Variants in STRA8 observed in about 807,000 individuals in gnomAD.
STRA8 encodes the protein stimulated by retinoic acid gene 8 protein homolog.
A neutral mutation model predicts 37.1 loss-of-function variants in STRA8; 18 were observed. The observed-to-expected ratio is 0.48, with a 90% CI of 0.34 to 0.72. The LOEUF is 0.72. STRA8 is among the 30% of genes least tolerant of loss of function. STRA8 has a pLI of 0.01. For synonymous variants in STRA8, 168 were observed against 162.9 expected, an observed-to-expected ratio of 1.03 and a Z score of -0.24; for missense variants, 357 against 410.4, an observed-to-expected ratio of 0.87 and a Z score of 1.13.
In STRA8 at chr7:135,258,529, G is replaced by A; in HGVS notation, c.*37G>A. On this transcript the variant is annotated 3_prime_UTR_variant, in exon 9 of 9. Coordinates refer to ENST00000662584, the MANE Select transcript of STRA8 (RefSeq NM_001394401.1). ...AGCTGCGAGGGGAGGGACTGAATGA[G>A]GTGGGCAGTTCCCAAGGTTGAATGC... The A allele has an allele frequency of 6.5e-7, 1 of 1,546,020 alleles. No homozygotes were observed.
chr7:135,258,355 T>C (rs1238922963), intron 8 of STRA8, 63 bp from the exon 9 acceptor site: 3 of 1,404,132 alleles, frequency 2.1e-6, no homozygotes, highest in African/African-American at 1.4e-5. Flanking sequence ...GGAGCCTTCC[T>C]ATCTGCCTCG....
At position 135,246,049 on chromosome 7, in the gene STRA8, G is replaced by C. The variant is rs902124445; in HGVS notation, c.594-368G>C. 3.6e-6 allele frequency: 1 copy of C among 279,730 alleles called. No homozygotes were observed. Among genetic ancestry groups the C allele is most frequent in the African/African-American group, 2.3e-5 (1 of 43,872 alleles). The allele number at this position is 279,730 out of a possible 1,614,324, so 17.3% of individuals were successfully genotyped here. On this transcript the variant is annotated intron_variant, in intron 5 of 8. Transcript: ENST00000662584. The surrounding 1 kb of genome is among the most constrained non-coding windows in gnomAD (Gnocchi z 5.4). The stretch of plus-strand genomic sequence containing the variant: ...AGCCGAGCCTGACTTTCGGGCTGCA[G>C]GTTAAAGTTGGAGTCCTATCATGCC...
intron 1 of STRA8, among the ~76,000 whole-genome samples, chr7:135,234,140 C>A (rs1832335179): frequency 6.6e-6 from 1 of 151,708 alleles, no homozygotes; most frequent in African/African-American, 2.4e-5. Context: ...GAGTTTCGCT[C>A]TTGTCACCCA....
chr7:135,249,499 G>T (rs150284876), intron 6 of STRA8, among the ~76,000 whole-genome samples: 1 of 152,128 alleles, frequency 6.6e-6, no homozygotes, highest in Non-Finnish European at 1.5e-5. Context: ...CAGGATAATC[G>T]CTTGAACCTG....
intron 1 of STRA8, among the ~76,000 whole-genome samples, chr7:135,236,034 T>G (rs1379760406): frequency 6.6e-6 from 1 of 151,798 alleles, no homozygotes; most frequent in East Asian, 1.9e-4. Context: ...CCTAGGAGTT[T>G]GAGGCTGCAA....
intron 6 of STRA8, among the ~76,000 whole-genome samples, chr7:135,251,319 G>A (rs986148106): frequency 6.6e-6 from 1 of 152,188 alleles, no homozygotes; most frequent in South Asian, 2.1e-4. Context: ...AGCTAGCAAG[G>A]GACACAGGCC....
chr7:135,250,757 G>A (rs763100738), intron 6 of STRA8, among the ~76,000 whole-genome samples: 1 of 152,174 alleles, frequency 6.6e-6, no homozygotes, highest in Non-Finnish European at 1.5e-5. Flanking sequence ...ATACAAAAAC[G>A]TCCCATGCAT....
At chr7:135,254,491 C>T (rs967472904) in intron 7 of STRA8, among the ~76,000 whole-genome samples, 3 of 152,196 alleles carry the variant, frequency 2.0e-5, no homozygotes, top group Admixed American at 6.5e-5. Flanking sequence ...TGCACGAGCC[C>T]CTGCCACCTT....
At position 135,246,297 on chromosome 7, in the gene STRA8, C is replaced by A; in HGVS notation, c.594-120C>A. ...GCGTGCAGAGTCTGAGAAGTCTCAG[C>A]CCTGGTGAGCCGTGGCGCCGTGGCC... On this transcript the variant is annotated intron_variant, in intron 5 of 8. Transcript: ENST00000662584. This position sits in a 1 kb window ranked among gnomAD's most constrained non-coding sequence, Gnocchi z 5.4. 2 of 1,334,774 alleles carry A rather than the reference C, an allele frequency of 1.5e-6. No homozygotes were observed. Among genetic ancestry groups the A allele is most frequent in the South Asian group, 1.3e-5 (1 of 78,378 alleles). 82.7% of individuals were successfully genotyped at this position (1,334,774 alleles called of 1,614,324 possible). A position where few individuals can be genotyped will look rare whatever the true frequency, so the allele number is the denominator to read the frequency against.
rs1042102930 is a variant in STRA8, at chr7:135,258,317, T to A, written c.1066-101T>A. ...GCAGCGGAAGAGACGTAGGATAGAG[T>A]CTGGGGGCTGGGCACACCGGAGATG... On this transcript the variant is annotated intron_variant, in intron 8 of 8. Transcript: ENST00000662584. 3.1e-5 allele frequency: 29 copies of A among 927,382 alleles called. No homozygotes were observed. The African/African-American group carries it at 4.0e-4, about 13-fold the overall frequency. 57.4% of individuals were successfully genotyped at this position (927,382 alleles called of 1,614,324 possible).
intron 8 of STRA8, 86 bp from the exon 9 acceptor site, chr7:135,258,332 C>A: frequency 1.8e-6 from 2 of 1,111,250 alleles, no homozygotes; most frequent in Non-Finnish European, 2.6e-6. Context: ...GGGCTGGGCA[C>A]ACCGGAGATG....
chr7:135,240,971 G>A (rs1832456033), intron 2 of STRA8, among the ~76,000 whole-genome samples: 2 of 152,156 alleles, frequency 1.3e-5, no homozygotes, highest in Non-Finnish European at 2.9e-5. Context: ...TTCATAGACA[G>A]GGCTATCTTG....
At position 135,255,439 on chromosome 7, in the gene STRA8, G is replaced by A. The variant is rs547512558; in HGVS notation, c.1065+214G>A. Reference sequence around the variant, plus strand: ...GAATGGAAGATAGCCAGGGAAACAGGAAAGACAGAGAAGTGTCCTCTAGGG... The same window carrying A: ...GAATGGAAGATAGCCAGGGAAACAGAAAAGACAGAGAAGTGTCCTCTAGGG... On this transcript the variant is annotated intron_variant, in intron 8 of 8. Coordinates refer to ENST00000662584, the MANE Select transcript of STRA8 (RefSeq NM_001394401.1). Among the ~76,000 whole-genome samples the A allele has an allele frequency of 2.0e-5, 3 of 152,304 alleles. No individual in the cohort carries two copies. The East Asian group carries it at 5.8e-4, about 29-fold the overall frequency.
At chr7:135,247,936 C>A (rs571499159) in intron 6 of STRA8, among the ~76,000 whole-genome samples, 2 of 152,248 alleles carry the variant, frequency 1.3e-5, no homozygotes, top group African/African-American at 4.8e-5. Flanking sequence ...GCAGCCGATT[C>A]GCATTCTGCA....
intron 2 of STRA8, 85 bp downstream of exon 2, chr7:135,240,801 G>A: frequency 6.8e-7 from 1 of 1,474,670 alleles, no homozygotes. Flanking sequence ...TGCAAGGCAG[G>A]GACTGGCCTG....
chr7:135,234,628 T>A (rs894801572), intron 1 of STRA8, among the ~76,000 whole-genome samples: 1 of 152,206 alleles, frequency 6.6e-6, no homozygotes, highest in African/African-American at 2.4e-5. Flanking sequence ...GGGAGTTTTT[T>A]AAACGTCAGC....
chr7:135,241,034 A>T (rs1832457033), intron 2 of STRA8, among the ~76,000 whole-genome samples: 1 of 152,114 alleles, frequency 6.6e-6, no homozygotes, highest in Non-Finnish European at 1.5e-5. Flanking sequence ...ACTCTTTTAT[A>T]AGGGCACCAA....
At chr7:135,244,475 G>A (rs1036093245) in intron 4 of STRA8, among the ~76,000 whole-genome samples, 1 of 152,118 alleles carries the variant, frequency 6.6e-6, no homozygotes, top group African/African-American at 2.4e-5. Flanking sequence ...TTCTCTTCAA[G>A]GTGTCTTTTG....
rs750119224 is a variant in STRA8 at position 135,240,554 on chromosome 7, C to T, written c.30C>T (p.Pro10=). ...CAACCCCTGAAGAAAACAGCAATCCCCATGACAGAGCAACACCCCAGCTGC... is the reference window on the plus strand; with the variant it reads ...CAACCCCTGAAGAAAACAGCAATCCTCATGACAGAGCAACACCCCAGCTGC... MATPEENSN[P]HDRATPQLPA... The change falls in exon 2 of 9, where the codon CCC becomes CCT. Residue 10 remains proline, a synonymous_variant. Transcript: ENST00000662584. 5 of 1,614,196 alleles carry T rather than the reference C, an allele frequency of 3.1e-6. No individual in the cohort carries two copies. The highest frequency in any genetic ancestry group is 1.6e-4 in the Middle Eastern group (1 of 6,062).
Sources: allele counts gnomAD v4.1 joint callset (sites outside exome capture counted in the v4.1 genomes callset), GRCh38; gene constraint gnomAD v4.1.1; non-coding constraint Gnocchi (gnomAD v3.1); transcripts MANE v1.5; gene names NCBI Gene and HGNC (gene_info 2026-07-23, HGNC 2026-07-21).